Variants in PXK observed in about 807,000 individuals in gnomAD.
The protein encoded by PXK is PX domain containing serine/threonine kinase like.
Under a neutral mutation model 84.7 loss-of-function variants are expected in PXK, and 35 were observed. The ratio of observed to expected loss-of-function variants is 0.41; its 90% CI spans 0.32 to 0.55. The LOEUF (loss-of-function observed/expected upper bound fraction) is 0.55. PXK is among the 20% of genes least tolerant of loss of function. The probability of loss-of-function intolerance (pLI) is 0.21; values close to 1 mark genes in which losing one functional copy is unlikely to be tolerated. For synonymous variants in PXK, 253 were observed against 260.8 expected (o/e 0.97, Z 0.29); for missense variants, 634 against 699.7 (o/e 0.91, Z 1.06).
chr3:58,395,553 C>G (rs2057520757), intron 8 of PXK, 105 bp from the exon 9 acceptor site: 6 of 819,528 alleles, frequency 7.3e-6, no homozygotes, highest in Non-Finnish European at 1.2e-5. Context: ...AGCTGGCCAT[C>G]TCTGGCGCCC....
chr3:58,358,802 G>A (rs1453970649), intron 1 of PXK, among the ~76,000 whole-genome samples: 4 of 152,124 alleles, frequency 2.6e-5, no homozygotes, highest in Non-Finnish European at 5.9e-5. Context: ...AGAGTGTCTT[G>A]GCAGAAACAT....
chr3:58,403,935 G>A, intron 13 of PXK, 25 bp downstream of exon 13: 3 of 1,450,202 alleles, frequency 2.1e-6, no homozygotes, highest in Non-Finnish European at 2.8e-6. Context: ...ATCGTTTTTT[G>A]GTTTGTGACA....
intron 17 of PXK, chr3:58,423,007 A>G (rs1028970474): frequency 1.0e-6 from 1 of 977,962 alleles, no homozygotes; most frequent in Non-Finnish European, 1.2e-6. Flanking sequence ...ATTGGGTGGG[A>G]GGGTGCTGGG....
chr3:58,397,552 G>A lies in PXK; in HGVS notation c.985-53G>A, dbSNP rs759327970. On this transcript the variant is annotated intron_variant, in intron 10 of 17. Coordinates refer to ENST00000356151, the MANE Select transcript of PXK (RefSeq NM_017771.5). The surrounding 1 kb of genome is among the most constrained non-coding windows in gnomAD (Gnocchi z 4.7). ...AGAAGCCTTGGGGCAGGAGCGCGAG[G>A]GTCCACAAAGCCAAAGTGAAGGGTG... 2.1e-5 allele frequency: 30 copies of A among 1,444,550 alleles called. No homozygotes were observed. Among genetic ancestry groups the A allele is most frequent in the Admixed American group, 3.3e-5 (2 of 59,704 alleles). 89.5% of individuals were successfully genotyped at this position (1,444,550 alleles called of 1,614,324 possible). A position where few individuals can be genotyped will look rare whatever the true frequency, so the allele number is the denominator to read the frequency against.
intron 17 of PXK, chr3:58,422,833 G>C: frequency 2.0e-6 from 2 of 985,402 alleles, no homozygotes; most frequent in Non-Finnish European, 2.4e-6. Flanking sequence ...GCCTTTAGTA[G>C]AACTCCCAAG....
rs981318575 is a variant in PXK, at chr3:58,385,111, T to A, written c.388+2411T>A. ...ACCTGCCCCACATGCTGTTGTTGTC[T>A]TTGATCTCTACTCCCCCTCCCCACC... On this transcript the variant is annotated intron_variant, in intron 4 of 17. Coordinates refer to ENST00000356151, the MANE Select transcript of PXK (RefSeq NM_017771.5). The surrounding 1 kb of genome is among the most constrained non-coding windows in gnomAD (Gnocchi z 5.1). Among the ~76,000 whole-genome samples, 3 of 152,160 alleles carry A rather than the reference T, an allele frequency of 2.0e-5. No homozygotes were observed. The highest frequency in any genetic ancestry group is 7.2e-5 in the African/African-American group (3 of 41,428).
chr3:58,367,466 C>T lies in PXK; in HGVS notation c.153+1542C>T, dbSNP rs891243696. 8.6e-5 allele frequency among the ~76,000 whole-genome samples: 13 copies of T among 151,940 alleles called. No individual in the cohort carries two copies. In the South Asian group the frequency reaches 1.7e-3, roughly 19 times the overall value. On this transcript the variant is annotated intron_variant, in intron 2 of 17. Transcript: ENST00000356151. ...TTCACTGTGTTAGCCAGGATGTTCT[C>T]GATGTCCTGACCTCGTGATCCGCCT...
chr3:58,369,817 T>G (rs1006764106), intron 3 of PXK, among the ~76,000 whole-genome samples: 34 of 140,848 alleles, frequency 2.4e-4, no homozygotes, highest in African/African-American at 9.2e-4. Context: ...AGAGTGAAAC[T>G]CTGTCTCAAA....
intron 1 of PXK, among the ~76,000 whole-genome samples, chr3:58,363,170 T>C (rs1321144023): frequency 3.9e-5 from 6 of 152,264 alleles, no homozygotes; most frequent in Non-Finnish European, 8.8e-5. Flanking sequence ...TTTGTAGTTT[T>C]CGACATACAA....
chr3:58,342,600 A>G (rs537218412), intron 1 of PXK, among the ~76,000 whole-genome samples: 11 of 147,038 alleles, frequency 7.5e-5, no homozygotes, highest in Middle Eastern at 3.5e-3. Flanking sequence ...ATGCCAGTGC[A>G]CTCCAGCCTG....
chr3:58,387,092 T>C (rs1309282676), intron 4 of PXK, among the ~76,000 whole-genome samples: 1 of 152,226 alleles, frequency 6.6e-6, no homozygotes, highest in African/African-American at 2.4e-5. Flanking sequence ...TCCATGGGGC[T>C]GCGATCCAGG....
intron 1 of PXK, among the ~76,000 whole-genome samples, chr3:58,351,801 GAA>G (rs903728887): frequency 2.1e-5 from 3 of 144,594 alleles, no homozygotes; most frequent in African/African-American, 7.3e-5. Context: ...TATTTAAAGA[GAA>G]TGGCTGCTTT....
intron 1 of PXK, among the ~76,000 whole-genome samples, chr3:58,363,245 AT>A (rs527873266): frequency 1.3e-5 from 2 of 152,026 alleles, no homozygotes; most frequent in East Asian, 3.9e-4. Context: ...ATGGTATTGT[AT>A]TTCTAATTTA....
intron 3 of PXK, among the ~76,000 whole-genome samples, chr3:58,374,274 G>C (rs1426508024): frequency 6.6e-6 from 1 of 150,820 alleles, no homozygotes; most frequent in South Asian, 2.1e-4. Context: ...GGGTTCAAGC[G>C]ATTATCCTGC....
chr3:58,424,031 G>A (rs990189084), intron 17 of PXK, among the ~76,000 whole-genome samples: 3 of 152,200 alleles, frequency 2.0e-5, no homozygotes, highest in African/African-American at 7.2e-5. Context: ...CCACAATGGA[G>A]AGAACAGTAC....
chr3:58,423,881 G>A (rs527396026), intron 17 of PXK, among the ~76,000 whole-genome samples: 138 of 152,328 alleles, frequency 9.1e-4, no homozygotes, highest in African/African-American at 3.2e-3. Context: ...AAATGTCCAT[G>A]TGCCTGGAAG....
chr3:58,374,466 G>A (rs1057003628), intron 3 of PXK, among the ~76,000 whole-genome samples: 9 of 152,232 alleles, frequency 5.9e-5, no homozygotes, highest in East Asian at 1.9e-4. Context: ...GAGCCACGGC[G>A]CCTGGCCTCC....
chr3:58,348,199 G>T (rs1208831711), intron 1 of PXK, among the ~76,000 whole-genome samples: 1 of 152,166 alleles, frequency 6.6e-6, no homozygotes, highest in Admixed American at 6.5e-5. Flanking sequence ...GTGAGCTGCC[G>T]TGCCCAGCTG....
chr3:58,367,163 C>T (rs779128762), intron 2 of PXK, among the ~76,000 whole-genome samples: 1 of 152,118 alleles, frequency 6.6e-6, no homozygotes, highest in Non-Finnish European at 1.5e-5. Context: ...TACCTTTCTT[C>T]ACCCATGGTA....
Sources: gnomAD v4.1 joint callset for allele counts (sites outside exome capture counted in the v4.1 genomes callset) on GRCh38, gnomAD v4.1.1 for gene constraint, Gnocchi (gnomAD v3.1) non-coding constraint, MANE v1.5 for transcripts, NCBI Gene and HGNC (gene_info 2026-07-23, HGNC 2026-07-21) for gene names.